PDE7B: variants seen among roughly 807,000 people sequenced by gnomAD.
PDE7B encodes the protein 3',5'-cyclic-AMP phosphodiesterase 7B.
Under a neutral mutation model 56.2 loss-of-function variants are expected in PDE7B, and 29 were observed. That is an observed-to-expected ratio of 0.52 (90% CI 0.38 to 0.70). PDE7B has a LOEUF of 0.70. Among genes scored for constraint, PDE7B ranks in the 30% least tolerant of loss-of-function variants. The pLI is 0.00. For synonymous variants in PDE7B, 197 were observed against 196.9 expected (o/e 1.00, Z 0.00); for missense variants, 490 against 565.0 (o/e 0.87, Z 1.35).
chr6:136,129,232 A>G (rs1014937049), intron 3 of PDE7B, among the ~76,000 whole-genome samples: 2 of 152,178 alleles, frequency 1.3e-5, no homozygotes, highest in Non-Finnish European at 2.9e-5. Context: ...ATTCCATTTC[A>G]TCACAGTCTG....
At chr6:136,121,469 T>C (rs1326336339) in intron 3 of PDE7B, among the ~76,000 whole-genome samples, 1 of 152,212 alleles carries the variant, frequency 6.6e-6, no homozygotes, top group African/African-American at 2.4e-5. Context: ...GCTAAAAATG[T>C]ATTTTTAGAA....
chr6:135,858,324 T>C (rs1775077235), intron 1 of PDE7B, among the ~76,000 whole-genome samples: 2 of 152,022 alleles, frequency 1.3e-5, no homozygotes, highest in African/African-American at 4.8e-5. Flanking sequence ...GGCTAATTTT[T>C]GTATTTTTAG....
At chr6:135,894,625 A>T (rs1775865658) in intron 1 of PDE7B, among the ~76,000 whole-genome samples, 1 of 152,178 alleles carries the variant, frequency 6.6e-6, no homozygotes, top group African/African-American at 2.4e-5. Flanking sequence ...CATCCAAGGC[A>T]CACATGCCAA....
chr6:135,904,185 G>T (rs1431074532), intron 1 of PDE7B, among the ~76,000 whole-genome samples: 1 of 152,088 alleles, frequency 6.6e-6, no homozygotes, highest in African/African-American at 2.4e-5. Flanking sequence ...TATTTTCTTT[G>T]CCAAAGACTA....
chr6:136,160,388 G>A (rs576283304), intron 8 of PDE7B, among the ~76,000 whole-genome samples: 3 of 152,116 alleles, frequency 2.0e-5, no homozygotes, highest in East Asian at 1.9e-4. Context: ...TGGTTGATAC[G>A]AGTCACTGAG....
intron 2 of PDE7B, among the ~76,000 whole-genome samples, chr6:136,035,633 A>G (rs1029383470): frequency 3.3e-5 from 5 of 152,184 alleles, no homozygotes; most frequent in African/African-American, 9.7e-5. Context: ...CAAACCTTCA[A>G]ATGAAGTAGG....
At chr6:135,977,736 A>G (rs1775214313) in intron 2 of PDE7B, among the ~76,000 whole-genome samples, 1 of 152,154 alleles carries the variant, frequency 6.6e-6, no homozygotes, top group Admixed American at 6.5e-5. Flanking sequence ...GTTATTATTA[A>G]AAACATTGGC....
chr6:135,908,313 C>T (rs1393923739), intron 1 of PDE7B, among the ~76,000 whole-genome samples: 2 of 151,828 alleles, frequency 1.3e-5, no homozygotes, highest in Non-Finnish European at 2.9e-5. Flanking sequence ...AGGCTGGTCT[C>T]GTATCCCAAC....
chr6:135,883,994 A>C lies in PDE7B; in HGVS notation c.21+31975A>C, dbSNP rs541361613. Among the ~76,000 whole-genome samples the C allele has an allele frequency of 2.0e-5, 3 of 152,254 alleles. No individual in the cohort carries two copies. In the South Asian group the frequency reaches 6.2e-4, roughly 32 times the overall value. On this transcript the variant is annotated intron_variant, in intron 1 of 12. Coordinates refer to ENST00000308191, the MANE Select transcript of PDE7B (RefSeq NM_018945.4). ...CTTTGTTTTGCGTTTGGTAGGAAGG[A>C]CTCATTTAATACACTGAATATGACT...
intron 2 of PDE7B, among the ~76,000 whole-genome samples, chr6:136,084,400 A>T (rs1777254831): frequency 6.6e-6 from 1 of 152,166 alleles, no homozygotes; most frequent in African/African-American, 2.4e-5. Context: ...TTCAGCTTGG[A>T]CTCTAGGAAT....
At chr6:136,151,871 T>G (rs1037499787) in intron 6 of PDE7B, among the ~76,000 whole-genome samples, 11 of 151,264 alleles carry the variant, frequency 7.3e-5, no homozygotes, top group Non-Finnish European at 1.5e-4. Flanking sequence ...ACCCGGGAGG[T>G]GGAGGTTGCA....
intron 1 of PDE7B, among the ~76,000 whole-genome samples, chr6:135,925,359 T>A (rs1774166064): frequency 6.6e-6 from 1 of 152,158 alleles, no homozygotes; most frequent in Admixed American, 6.5e-5. Context: ...TCACTCTCTA[T>A]CTCAGCTAGA....
At position 136,107,536 on chromosome 6, in the gene PDE7B, T is replaced by C. The variant is rs146884591; in HGVS notation, c.83-1195T>C. Among the ~76,000 whole-genome samples the C allele has an allele frequency of 4.3e-3, 653 of 152,348 alleles. 4 individuals carry two copies. Among genetic ancestry groups the C allele is most frequent in the African/African-American group, 0.015 (625 of 41,568 alleles). On this transcript the variant is annotated intron_variant, in intron 2 of 12. Transcript: ENST00000308191. ...TAAATAACATGATATGCATGATCCC[T>C]GCTTTGCAGGAGTTTAGAAGGAAGC...
intron 11 of PDE7B, 59 bp downstream of exon 11, chr6:136,181,382 CTAA>C (rs762079007): frequency 1.6e-5 from 16 of 1,027,452 alleles, no homozygotes; most frequent in Non-Finnish European, 2.3e-5. Context: ...GGCATTTATC[CTAA>C]TAAAACAGGA....
intron 1 of PDE7B, among the ~76,000 whole-genome samples, chr6:135,878,203 G>A (rs931541558): frequency 6.6e-6 from 1 of 151,990 alleles, no homozygotes; most frequent in Non-Finnish European, 1.5e-5. Context: ...CTTTGCTATG[G>A]TTCTTAGAAA....
chr6:135,883,148 G>A (rs1249360322), intron 1 of PDE7B, among the ~76,000 whole-genome samples: 1 of 152,104 alleles, frequency 6.6e-6, no homozygotes, highest in Non-Finnish European at 1.5e-5. Flanking sequence ...CTTGAGGAAT[G>A]GCTTAGTCAT....
At chr6:135,882,369 A>G (rs1775626406) in intron 1 of PDE7B, among the ~76,000 whole-genome samples, 1 of 152,026 alleles carries the variant, frequency 6.6e-6, no homozygotes, top group African/African-American at 2.4e-5. Context: ...ATTATTTCCA[A>G]CTTTCTCTCC....
chr6:135,917,880 C>T (rs1255328546), intron 1 of PDE7B, among the ~76,000 whole-genome samples: 1 of 152,176 alleles, frequency 6.6e-6, no homozygotes, highest in East Asian at 1.9e-4. Flanking sequence ...ATCTCAGCTG[C>T]ATGCCCAAGG....
intron 2 of PDE7B, among the ~76,000 whole-genome samples, chr6:135,982,680 T>C (rs952437071): frequency 6.6e-6 from 1 of 152,214 alleles, no homozygotes; most frequent in Non-Finnish European, 1.5e-5. Context: ...AGCCCCCAGT[T>C]GATACTACTG....
Sources: allele counts gnomAD v4.1 joint callset (sites outside exome capture counted in the v4.1 genomes callset), GRCh38; gene constraint gnomAD v4.1.1; transcripts MANE v1.5; gene names NCBI Gene and HGNC (gene_info 2026-07-23, HGNC 2026-07-21).